The following CCDC66 variants were observed in gnomAD, a reference collection of about 807,000 sequenced individuals.
CCDC66 encodes coiled-coil domain containing 66.
CCDC66 carries 133 observed loss-of-function variants against 128.3 expected under a neutral mutation model. The observed-to-expected ratio is 1.04, with a 90% confidence interval of 0.90 to 1.20. The LOEUF is 1.20. Among genes scored for constraint, CCDC66 ranks in the 50% most tolerant of loss-of-function variants. The pLI, the probability that CCDC66 is intolerant of heterozygous loss-of-function variation, is 0.00. For synonymous variants in CCDC66, 387 were observed against 357.0 expected (o/e 1.08, Z -0.95); for missense variants, 1,126 against 1,075.5 (o/e 1.05, Z -0.66).
chr3:56,617,445 A>G lies in CCDC66; in HGVS notation c.2177A>G (p.Gln726Arg), dbSNP rs1272281833. Residue 726 changes from glutamine to arginine, a missense_variant, in exon 14 of 18, where the codon CAG (glutamine) becomes CGG (arginine). Gln to Arg is a conservative substitution (Grantham distance 43, BLOSUM62 1). Coordinates refer to ENST00000394672, the MANE Select transcript of CCDC66 (RefSeq NM_001141947.3). ...AAGTACCCTAAACAGCTTCAAAAGCAGAGAGAAGAAAAAAAAGTAAGGAGG... is the reference window on the plus strand; with the variant it reads ...AAGTACCCTAAACAGCTTCAAAAGCGGAGAGAAGAAAAAAAAGTAAGGAGG... ...SEKYPKQLQKQREEKKVRRQM... is the reference protein window; with the variant it reads ...SEKYPKQLQKRREEKKVRRQM... 3 of 1,613,984 alleles carry G rather than the reference A, an allele frequency of 1.9e-6. No individual in the cohort carries two copies. The African/African-American group carries it at 4.0e-5, about 22-fold the overall frequency.
At chr3:56,567,182 G>A (rs1004615839) in intron 6 of CCDC66, 129 bp downstream of exon 6, 2 of 619,538 alleles carry the variant, frequency 3.2e-6, no homozygotes, top group African/African-American at 3.7e-5. Flanking sequence ...AGGAGGGCAA[G>A]AGATCAAGAC....
Position 56,562,993 on chromosome 3 carries a change from C to T in CCDC66, c.103-691C>T, listed in dbSNP as rs184033361. On this transcript the variant is annotated intron_variant, in intron 3 of 17. Coordinates refer to ENST00000394672, the MANE Select transcript of CCDC66 (RefSeq NM_001141947.3). ...GTTACTTTTCTCTGATTTGTTCTGG[C>T]CTTGGGATCCTGGCCCCATATAAAT... is the stretch of plus-strand genomic sequence containing the variant. 2.6e-5 allele frequency among the ~76,000 whole-genome samples: 4 copies of T among 152,084 alleles called. No homozygotes were observed. In the East Asian group the frequency reaches 7.7e-4, roughly 29 times the overall value.
intron 10 of CCDC66, among the ~76,000 whole-genome samples, chr3:56,613,110 T>C (rs943417666): frequency 2.0e-5 from 3 of 152,182 alleles, no homozygotes; most frequent in Non-Finnish European, 2.9e-5. Context: ...CACTAGGGAC[T>C]GGGCTCTCAA....
chr3:56,604,836 T>G (rs1170256541), intron 10 of CCDC66, among the ~76,000 whole-genome samples: 1 of 152,088 alleles, frequency 6.6e-6, no homozygotes, highest in Non-Finnish European at 1.5e-5. Flanking sequence ...GTTGGGGAAG[T>G]TCTCCTGGAT....
At chr3:56,560,788 A>T in intron 3 of CCDC66, 2 of 420,124 alleles carry the variant, frequency 4.8e-6, no homozygotes, top group Non-Finnish European at 9.3e-6. Context: ...TTTCTTTTTT[A>T]ATTTTTAGAT....
In CCDC66 at chr3:56,607,236, A is replaced by G. The variant is rs990281856; in HGVS notation, c.1405-6353A>G. Among the ~76,000 whole-genome samples the G allele has an allele frequency of 3.3e-5, 5 of 152,132 alleles. No individual in the cohort carries two copies. In the East Asian group the frequency reaches 7.7e-4, roughly 23 times the overall value. The stretch of plus-strand genomic sequence containing the variant: ...GAATTTGTAGATTGCTTTTGGCAGT[A>G]TGGTCATTTTCACAATGTTGATTCT... On this transcript the variant is annotated intron_variant, in intron 10 of 17. Transcript: ENST00000394672.
intron 7 of CCDC66, among the ~76,000 whole-genome samples, chr3:56,583,237 G>A: frequency 6.6e-6 from 1 of 151,862 alleles, no homozygotes; most frequent in East Asian, 2.0e-4. Flanking sequence ...TAGTACAGAA[G>A]ACATTTCTAT....
At chr3:56,590,449 A>T (rs1334024995) in intron 7 of CCDC66, among the ~76,000 whole-genome samples, 1 of 152,200 alleles carries the variant, frequency 6.6e-6, no homozygotes, top group Non-Finnish European at 1.5e-5. Context: ...GGAAGGTTGT[A>T]GTGGGTTTCC....
intron 10 of CCDC66, among the ~76,000 whole-genome samples, chr3:56,611,260 C>T (rs980323842): frequency 4.6e-5 from 7 of 151,866 alleles, no homozygotes; most frequent in East Asian, 3.9e-4. Flanking sequence ...CTGTGGGGGA[C>T]GGGGATGAGA....
In CCDC66 at chr3:56,615,338, A is replaced by G; in HGVS notation, c.1711+66A>G. 2.7e-6 allele frequency: 4 copies of G among 1,481,862 alleles called. No individual in the cohort carries two copies. In the South Asian group the frequency reaches 5.4e-5, roughly 20 times the overall value. The allele number at this position is 1,481,862 out of a possible 1,614,324, so 91.8% of individuals were successfully genotyped here. On this transcript the variant is annotated intron_variant, in intron 12 of 17. Coordinates refer to ENST00000394672, the MANE Select transcript of CCDC66 (RefSeq NM_001141947.3). ...AGATGATTTTAAATAATTCCTTTTT[A>G]TCTTTGTTTGGAGACAAGGACTCAT...
intron 15 of CCDC66, 139 bp from the exon 16 acceptor site, chr3:56,619,132 T>G: frequency 1.5e-6 from 1 of 645,560 alleles, no homozygotes; most frequent in Non-Finnish European, 2.5e-6. Flanking sequence ...GCAGGAGAGT[T>G]GCAGTGAGCT....
At chr3:56,569,294 A>G (rs1484045952) in intron 6 of CCDC66, 3 of 308,402 alleles carry the variant, frequency 9.7e-6, no homozygotes, top group Admixed American at 8.9e-5. Context: ...TTGATAAAAG[A>G]GGTTTATTTG....
rs530126776 is a variant in CCDC66, at chr3:56,571,115, G to T, written c.815-66G>T. On this transcript the variant is annotated intron_variant, in intron 6 of 17. Transcript: ENST00000394672. ...GTTGGTATCTGCATTAAGAAGGTCA[G>T]ATTTGTTTACATGGTTCTGTTTTTA... The T allele has an allele frequency of 1.3e-4, 157 of 1,249,044 alleles. No homozygotes were observed. In the African/African-American group the frequency reaches 2.2e-3, roughly 17 times the overall value. The allele number at this position is 1,249,044 out of a possible 1,614,324, so 77.4% of individuals were successfully genotyped here.
intron 7 of CCDC66, among the ~76,000 whole-genome samples, chr3:56,580,416 G>C (rs1559654130): frequency 6.6e-6 from 1 of 151,790 alleles, no homozygotes; most frequent in Non-Finnish European, 1.5e-5. Context: ...AACATGTAAG[G>C]TTAATATTGT....
At chr3:56,571,713 G>T (rs2066643861) in intron 7 of CCDC66, among the ~76,000 whole-genome samples, 1 of 152,046 alleles carries the variant, frequency 6.6e-6, no homozygotes, top group African/African-American at 2.4e-5. Context: ...TGGGTTTTTT[G>T]TATGTGTGTT....
chr3:56,618,694 T>C (rs2075881616), intron 15 of CCDC66: 1 of 159,858 alleles, frequency 6.3e-6, no homozygotes, highest in Non-Finnish European at 1.4e-5. Context: ...GAGTACATTA[T>C]TGTATGGTGA....
rs771744633 is a variant in CCDC66, at chr3:56,593,690, A to G, written c.1268A>G (p.His423Arg). 1 of 1,614,218 alleles carries G rather than the reference A, an allele frequency of 6.2e-7. No individual in the cohort carries two copies. The highest frequency in any genetic ancestry group is 1.1e-5 in the South Asian group (1 of 91,092). Residue 423 changes from histidine (H) to arginine (R), a missense_variant, in exon 9 of 18, where the codon CAT (histidine) becomes CGT (arginine). By Grantham distance (29) the His-to-Arg change is conservative. Transcript: ENST00000394672. ...CAGGTTGAACCTTCAGAGGAGGAGC[A>G]TATAGCAAAACCTATTAAGGATGTG... ...GSQVEPSEEEHIAKPIKDVVM... is the reference protein window; with the variant it reads ...GSQVEPSEEERIAKPIKDVVM...
chr3:56,559,030 C>T, intron 2 of CCDC66, 120 bp downstream of exon 2: 1 of 739,874 alleles, frequency 1.4e-6, no homozygotes, highest in Non-Finnish European at 2.2e-6. Context: ...TTAGAAAAAG[C>T]TGTTTCCTCA....
In CCDC66 at chr3:56,615,938, G is replaced by T. The variant is rs769604638; in HGVS notation, c.1728G>T (p.Met576Ile). The T allele has an allele frequency of 1.3e-6, 2 of 1,595,154 alleles. No individual in the cohort carries two copies. Among genetic ancestry groups the T allele is most frequent in the Admixed American group, 3.5e-5 (2 of 57,816 alleles). Residue 576 changes from methionine to isoleucine, a missense_variant, in exon 13 of 18, where the codon ATG (methionine) becomes ATT (isoleucine). By Grantham distance (10) the Met-to-Ile change is conservative. Coordinates refer to ENST00000394672, the MANE Select transcript of CCDC66 (RefSeq NM_001141947.3). ...CTTTGCCAGTTGATACAATACAAAT[G>T]GAATATAATGCATCTAACATTTCAA... is the stretch of plus-strand genomic sequence containing the variant. ...IKNLGVDTIQ[M>I]EYNASNISNS... is the part of the protein sequence containing the mutation.
Sources: allele counts gnomAD v4.1 joint callset (sites outside exome capture counted in the v4.1 genomes callset), GRCh38; gene constraint gnomAD v4.1.1; transcripts MANE v1.5; gene names NCBI Gene and HGNC (gene_info 2026-07-23, HGNC 2026-07-21).